ANKIB1: variants seen among roughly 807,000 people sequenced by gnomAD.
ANKIB1 encodes the protein ankyrin repeat and IBR domain containing 1.
In ANKIB1, 43 loss-of-function variants were observed where a neutral mutation model predicts 122.1. The observed-to-expected ratio is 0.35, with a 90% confidence interval of 0.28 to 0.45. The LOEUF (loss-of-function observed/expected upper bound fraction) is 0.45. Among genes scored for constraint, ANKIB1 ranks in the 20% least tolerant of loss-of-function variants. ANKIB1 has a pLI of 1.00. For synonymous variants in ANKIB1, 390 were observed against 442.0 expected (o/e 0.88, Z 1.48); for missense variants, 992 against 1,329.5 (o/e 0.75, Z 3.95).
At chr7:92,332,417 C>G (rs1803190913) in intron 5 of ANKIB1, among the ~76,000 whole-genome samples, 1 of 152,058 alleles carries the variant, frequency 6.6e-6, no homozygotes, top group East Asian at 1.9e-4. Flanking sequence ...ACTGTGTTAT[C>G]AAATATAATC....
At chr7:92,292,676 A>G (rs539504055) in intron 1 of ANKIB1, among the ~76,000 whole-genome samples, 1 of 152,332 alleles carries the variant, frequency 6.6e-6, no homozygotes, top group Admixed American at 6.5e-5. Flanking sequence ...ATGAAACAAT[A>G]AAAGTATAAT....
intron 1 of ANKIB1, among the ~76,000 whole-genome samples, chr7:92,285,540 G>T (rs1052762209): frequency 2.0e-5 from 3 of 152,144 alleles, no homozygotes; most frequent in African/African-American, 7.2e-5. Context: ...CCTTTTAAAA[G>T]AATATTATTT....
At chr7:92,297,299 T>C (rs2131922661) in intron 2 of ANKIB1, among the ~76,000 whole-genome samples, 1 of 152,328 alleles carries the variant, frequency 6.6e-6, no homozygotes, top group East Asian at 1.9e-4. Flanking sequence ...CGTATCAGCT[T>C]ATGTGTCAGG....
intron 11 of ANKIB1, among the ~76,000 whole-genome samples, chr7:92,381,341 C>T (rs866534617): frequency 2.0e-5 from 3 of 152,164 alleles, no homozygotes; most frequent in African/African-American, 7.2e-5. Context: ...AGGAGACCTT[C>T]CCCAACCTAG....
intron 10 of ANKIB1, among the ~76,000 whole-genome samples, chr7:92,367,025 T>A (rs535639118): frequency 6.6e-6 from 1 of 152,252 alleles, no homozygotes; most frequent in South Asian, 2.1e-4. Context: ...ATGTCCTTCC[T>A]CATGATAATG....
Position 92,398,752 on chromosome 7 carries a change from G to C in ANKIB1, c.3073G>C (p.Glu1025Gln), listed in dbSNP as rs756317355. Reference sequence around the variant, plus strand: ...GGTGCTGCCAGAAGATTCAATGTTTGAAGATGCCAGTGTCAGTGAAGGTAG... The same window carrying C: ...GGTGCTGCCAGAAGATTCAATGTTTCAAGATGCCAGTGTCAGTGAAGGTAG... ...ELVLPEDSMF[E>Q]DASVSEGRGT... is the part of the protein sequence containing the mutation. The change falls in exon 20 of 20, where the codon GAA (glutamate) becomes CAA (glutamine). Residue 1025 changes from glutamate (E) to glutamine (Q), a missense_variant. Transcript: ENST00000265742. 4.3e-6 allele frequency: 7 copies of C among 1,613,496 alleles called. No homozygotes were observed. The South Asian group carries it at 7.7e-5, about 18-fold the overall frequency.
chr7:92,325,661 TG>T (rs1319500866), intron 4 of ANKIB1, among the ~76,000 whole-genome samples: 1 of 151,902 alleles, frequency 6.6e-6, no homozygotes, highest in Non-Finnish European at 1.5e-5. Flanking sequence ...ACAATAAACA[TG>T]TTTTACCAAT....
At position 92,344,963 on chromosome 7, in the gene ANKIB1, C is replaced by G; in HGVS notation, c.997-15C>G. 1.3e-6 allele frequency: 2 copies of G among 1,581,290 alleles called. No individual in the cohort carries two copies. The highest frequency in any genetic ancestry group is 1.7e-4 in the Middle Eastern group (1 of 5,986). On this transcript the variant is annotated splice_polypyrimidine_tract_variant and intron_variant, in intron 6 of 19. Transcript: ENST00000265742. Reference sequence around the variant, plus strand: ...GTACATTTCTGTTTAAATCATTGTTCTTCTTCATCTCCAGTGTGACATTTG... The same window carrying G: ...GTACATTTCTGTTTAAATCATTGTTGTTCTTCATCTCCAGTGTGACATTTG...
In ANKIB1 at chr7:92,309,754, G is replaced by A. The variant is rs371979183; in HGVS notation, c.486+2098G>A. ...AGCCTGGCCAATATGGTGAAACCCCGTCTCTACTAAAAATACAAAAATTAG... is the reference window on the plus strand; with the variant it reads ...AGCCTGGCCAATATGGTGAAACCCCATCTCTACTAAAAATACAAAAATTAG... On this transcript the variant is annotated intron_variant, in intron 3 of 19. Transcript: ENST00000265742. 5.4e-4 allele frequency among the ~76,000 whole-genome samples: 81 copies of A among 150,616 alleles called. No homozygotes were observed. In the East Asian group the frequency reaches 0.013, roughly 24 times the overall value.
intron 3 of ANKIB1, among the ~76,000 whole-genome samples, chr7:92,311,943 A>G (rs1802699450): frequency 1.3e-5 from 2 of 152,064 alleles, no homozygotes; most frequent in South Asian, 2.1e-4. Context: ...AGCGTTTTCA[A>G]AATTGTACTG....
intron 2 of ANKIB1, among the ~76,000 whole-genome samples, chr7:92,298,747 T>C (rs1345498938): frequency 7.1e-6 from 1 of 140,646 alleles, no homozygotes; most frequent in Non-Finnish European, 1.5e-5. Context: ...ATTGTATTCA[T>C]CACTGTTAGG....
At chr7:92,301,143 A>G (rs911599760) in intron 2 of ANKIB1, among the ~76,000 whole-genome samples, 15 of 152,272 alleles carry the variant, frequency 9.9e-5, no homozygotes, top group East Asian at 9.6e-4. Flanking sequence ...AAATAATGCT[A>G]TAGTGAACAT....
chr7:92,393,578 T>G (rs760427264), intron 17 of ANKIB1, among the ~76,000 whole-genome samples: 8 of 152,096 alleles, frequency 5.3e-5, no homozygotes, highest in Non-Finnish European at 8.8e-5. Context: ...CCTTTGTCAG[T>G]GTATTCACAA....
At position 92,397,783 on chromosome 7, in the gene ANKIB1, C is replaced by T. The variant is rs1804932661; in HGVS notation, c.2456C>T (p.Ser819Phe). ...RPGTSVVSSA[S>F]MSVLHSSSLR... is the part of the protein sequence containing the mutation. Reference sequence around the variant, plus strand: ...GGCACATCCGTGGTAAGTTCTGCATCTATGAGTGTGCTGCACAGCTCTTCC... The same window carrying T: ...GGCACATCCGTGGTAAGTTCTGCATTTATGAGTGTGCTGCACAGCTCTTCC... Residue 819 changes from serine to phenylalanine, a missense_variant, in exon 19 of 20, where the codon TCT becomes TTT. Around this residue, in one of 4 missense-constraint regions of ANKIB1, gnomAD observed 384 missense variants for 412.0 expected, o/e 0.93. Coordinates refer to ENST00000265742, the MANE Select transcript of ANKIB1 (RefSeq NM_019004.2). The T allele has an allele frequency of 1.2e-6, 2 of 1,609,050 alleles. No homozygotes were observed. The highest frequency in any genetic ancestry group is 2.7e-5 in the African/African-American group (2 of 74,482).
intron 1 of ANKIB1, among the ~76,000 whole-genome samples, chr7:92,294,176 T>C (rs1416907810): frequency 1.3e-5 from 2 of 152,202 alleles, no homozygotes; most frequent in African/African-American, 2.4e-5. Context: ...ACATTGCCCA[T>C]GTGATGATTA....
rs749471234 is a variant in ANKIB1, at chr7:92,246,507, G to T, written c.-103G>T. On this transcript the variant is annotated 5_prime_UTR_variant, in exon 1 of 20. Coordinates refer to ENST00000265742, the MANE Select transcript of ANKIB1 (RefSeq NM_019004.2). ...GGGTCCACCGACCCTTACCCTCAGC[G>T]AGAGAAGTAACCGTAAGTCTCAGCT... The T allele has an allele frequency of 7.7e-6, 4 of 518,356 alleles. No homozygotes were observed. Among genetic ancestry groups the T allele is most frequent in the South Asian group, 4.2e-5 (3 of 71,510 alleles). The allele number at this position is 518,356 out of a possible 1,614,324, so 32.1% of individuals were successfully genotyped here.
chr7:92,271,212 G>GA (rs908252653), intron 1 of ANKIB1, among the ~76,000 whole-genome samples: 30 of 151,922 alleles, frequency 2.0e-4, no homozygotes, highest in African/African-American at 6.3e-4. Flanking sequence ...AGCATTTGTT[G>GA]AAAAAACTAC....
At chr7:92,288,465 A>T (rs1295536372) in intron 1 of ANKIB1, among the ~76,000 whole-genome samples, 1 of 152,240 alleles carries the variant, frequency 6.6e-6, no homozygotes, top group African/African-American at 2.4e-5. Flanking sequence ...AGACACACAG[A>T]AAAATAGAAC....
chr7:92,308,500 G>A (rs1802614071), intron 3 of ANKIB1, among the ~76,000 whole-genome samples: 1 of 151,812 alleles, frequency 6.6e-6, no homozygotes, highest in Non-Finnish European at 1.5e-5. Context: ...TACATTTATT[G>A]GAGTCTTTTT....
Sources: gnomAD v4.1 joint callset for allele counts (sites outside exome capture counted in the v4.1 genomes callset) on GRCh38, gnomAD v4.1.1 for gene constraint, gnomAD v4.1.1 regional missense constraint, MANE v1.5 for transcripts, NCBI Gene and HGNC (gene_info 2026-07-23, HGNC 2026-07-21) for gene names.